CA5A: variants seen among roughly 807,000 people sequenced by gnomAD.
The protein encoded by CA5A is carbonic anhydrase 5A.
A neutral mutation model predicts 37.1 loss-of-function variants in CA5A; 28 were observed. The observed-to-expected ratio is 0.75, with a 90% CI of 0.56 to 1.03. CA5A has a LOEUF of 1.03. Ranked by LOEUF, CA5A falls within the 50% of genes least tolerant of loss-of-function variation. CA5A has a pLI of 0.00. For synonymous variants in CA5A, 171 were observed against 158.4 expected (o/e 1.08, Z -0.60); for missense variants, 444 against 399.9 (o/e 1.11, Z -0.94).
At chr16:87,935,209 A>C (rs1282764762) in intron 1 of CA5A, among the ~76,000 whole-genome samples, 1 of 152,238 alleles carries the variant, frequency 6.6e-6, no homozygotes, top group Non-Finnish European at 1.5e-5. Context: ...TTCAGTTAGA[A>C]GAGAACTTGG....
rs1463773320 is a variant in CA5A at position 87,914,988 on chromosome 16, A to T, written c.341-10084T>A. Among the ~76,000 whole-genome samples the T allele has an allele frequency of 3.3e-5, 5 of 152,218 alleles. No homozygotes were observed. The East Asian group carries it at 9.6e-4, about 29-fold the overall frequency. ...ACGCCGGGCACCGAGTTGACGGGTG[A>T]GGGGTGTGAGCGATGGGGCCAGCAT... On this transcript the variant is annotated intron_variant, in intron 2 of 6. Coordinates refer to ENST00000649794, the MANE Select transcript of CA5A (RefSeq NM_001739.2).
At chr16:87,892,011 A>G (rs1196595440) in intron 5 of CA5A, 57 bp from the exon 6 acceptor site, 17 of 1,448,020 alleles carry the variant, frequency 1.2e-5, no homozygotes, top group Non-Finnish European at 1.5e-5. Context: ...AGGAGCTTCC[A>G]TCTTGTCTCA....
downstream of CA5A, chr16:87,883,177 C>G (rs369466547): frequency 3.3e-4 from 50 of 152,308 alleles, no homozygotes; most frequent in African/African-American, 1.1e-3. Flanking sequence ...CGTGCCAACA[C>G]GCCCGGCTGA....
intron 5 of CA5A, chr16:87,893,146 C>CTT (rs1555519772): frequency 3.6e-5 from 14 of 387,006 alleles, no homozygotes; most frequent in South Asian, 1.4e-4. Context: ...TTCTTTCTTT[C>CTT]TTTTTTTTTT....
chr16:87,888,676 A>G (rs2055672254), intron 6 of CA5A, among the ~76,000 whole-genome samples: 1 of 152,182 alleles, frequency 6.6e-6, no homozygotes, highest in South Asian at 2.1e-4. Flanking sequence ...CTGGGCTACA[A>G]TTCATGAAAG....
In CA5A at chr16:87,902,817, C is replaced by A. The variant is rs538431959; in HGVS notation, c.460-297G>T. 4.6e-5 allele frequency among the ~76,000 whole-genome samples: 7 copies of A among 151,044 alleles called. No homozygotes were observed. In the South Asian group the frequency reaches 1.5e-3, roughly 32 times the overall value. ...GTCCCAGGTACTCAGGAGGCTGAGG[C>A]AGGAGAATGGTGTGAACCCAGGAGG... On this transcript the variant is annotated intron_variant, in intron 3 of 6. Transcript: ENST00000649794.
Position 87,898,724 on chromosome 16 carries a change from TG to T in CA5A, c.618+3187del, listed in dbSNP as rs528485064. 3.7e-4 allele frequency among the ~76,000 whole-genome samples: 55 copies of T among 148,344 alleles called. No individual in the cohort carries two copies. In the South Asian group the frequency reaches 4.9e-3, roughly 13 times the overall value. ...TTACATGGTGAGAATGCTGCTCTAG[TG>T]TGGATTTTTTTTTTTTTTTTTTTTT... On this transcript the variant is annotated intron_variant, in intron 5 of 6. Transcript: ENST00000649794.
At chr16:87,935,730 G>T (rs905256490) in intron 1 of CA5A, among the ~76,000 whole-genome samples, 4 of 152,054 alleles carry the variant, frequency 2.6e-5, no homozygotes, top group Non-Finnish European at 5.9e-5. Context: ...CAAAAAATTA[G>T]CTGGGTGCAG....
In CA5A at chr16:87,902,069, C is replaced by T; in HGVS notation, c.556-95G>A. 5 of 1,148,912 alleles carry T rather than the reference C, an allele frequency of 4.4e-6. No homozygotes were observed. The South Asian group carries it at 6.2e-5, about 14-fold the overall frequency. 71.2% of individuals were successfully genotyped at this position (1,148,912 alleles called of 1,614,324 possible). On this transcript the variant is annotated intron_variant, in intron 4 of 6. Transcript: ENST00000649794. Reference sequence around the variant, plus strand: ...AATACACCACGTTTTAAAAGCAATCCTAGGCCAGGTGCGGTGGCTCATGCC... The same window carrying T: ...AATACACCACGTTTTAAAAGCAATCTTAGGCCAGGTGCGGTGGCTCATGCC...
intron 2 of CA5A, among the ~76,000 whole-genome samples, chr16:87,917,121 AG>A (rs1379626958): frequency 9.1e-5 from 7 of 76,972 alleles, no homozygotes; most frequent in African/African-American, 6.8e-4. Context: ...AAAAAAAAAA[AG>A]AAAAGAAAAG....
chr16:87,897,481 G>C (rs1452339325), intron 5 of CA5A, among the ~76,000 whole-genome samples: 1 of 150,944 alleles, frequency 6.6e-6, no homozygotes, highest in Non-Finnish European at 1.5e-5. Flanking sequence ...TGACAGGTCG[G>C]CACTGGTAGG....
chr16:87,925,653 T>C (rs1258565282), intron 2 of CA5A: 1 of 152,002 alleles, frequency 6.6e-6, no homozygotes, highest in Non-Finnish European at 1.5e-5. Context: ...ATAATAGGCA[T>C]AGAGAGAACC....
At chr16:87,907,328 C>T (rs1322127197) in intron 2 of CA5A, among the ~76,000 whole-genome samples, 4 of 152,280 alleles carry the variant, frequency 2.6e-5, no homozygotes, top group East Asian at 3.9e-4. Flanking sequence ...GCTTCTGCCT[C>T]GGCCTGTGTC....
rs11862963 is a variant in CA5A at position 87,912,705 on chromosome 16, A to G, written c.341-7801T>C. On this transcript the variant is annotated intron_variant, in intron 2 of 6. Coordinates refer to ENST00000649794, the MANE Select transcript of CA5A (RefSeq NM_001739.2). ...GTGAGAGTGTGGGCTTTGGGGCCCT[A>G]AACTTGCTTGGGACGCCCAGGAGGG... Among the ~76,000 whole-genome samples the G allele has an allele frequency of 3.9e-3, 597 of 152,328 alleles. 3 individuals carry two copies. Among genetic ancestry groups the G allele is most frequent in the African/African-American group, 0.013 (561 of 41,572 alleles).
rs143098331 is a variant in CA5A, at chr16:87,904,826, C to A, written c.419G>T (p.Gly140Val). Residue 140 changes from glycine (G) to valine (V), a missense_variant, in exon 3 of 7, where the codon GGC becomes GTC. Physicochemically the swap from Gly to Val is moderately radical, Grantham distance 109. Coordinates refer to ENST00000649794, the MANE Select transcript of CA5A (RefSeq NM_001739.2). ...HFHWGAVNEGGSEHTVDGHAY... is the reference protein window; with the variant it reads ...HFHWGAVNEGVSEHTVDGHAY... ...GTGGCCGTCCACTGTGTGCTCTGAG[C>A]CCCCCTCGTTCACTGCTCCCCAGTG... 18 of 1,612,482 alleles carry A rather than the reference C, an allele frequency of 1.1e-5. No individual in the cohort carries two copies. Among genetic ancestry groups the A allele is most frequent in the Non-Finnish European group, 1.1e-5 (13 of 1,178,554 alleles).
intron 1 of CA5A, among the ~76,000 whole-genome samples, chr16:87,930,689 C>A (rs1381990001): frequency 6.6e-6 from 1 of 151,000 alleles, no homozygotes; most frequent in Non-Finnish European, 1.5e-5. Flanking sequence ...TGCTGCTACC[C>A]CACTGGGCAG....
intron 1 of CA5A, among the ~76,000 whole-genome samples, chr16:87,934,518 G>GCA (rs2056446057): frequency 2.6e-5 from 4 of 152,218 alleles, no homozygotes; most frequent in Admixed American, 6.5e-5. Flanking sequence ...CGGTGAGCTG[G>GCA]AGATCGCACC....
At chr16:87,926,719 A>G (rs2056316593) in intron 2 of CA5A, 29 bp downstream of exon 2, 2 of 1,578,538 alleles carry the variant, frequency 1.3e-6, no homozygotes, top group East Asian at 2.2e-5. Context: ...GGGAGAGGAC[A>G]AAGCCCTCGA....
At chr16:87,921,402 C>G (rs1279136506) in intron 2 of CA5A, among the ~76,000 whole-genome samples, 1 of 152,252 alleles carries the variant, frequency 6.6e-6, no homozygotes, top group Non-Finnish European at 1.5e-5. Context: ...TTTGCCCTCC[C>G]GTGTGGGCAC....
Sources: allele counts gnomAD v4.1 joint callset (sites outside exome capture counted in the v4.1 genomes callset), GRCh38; gene constraint gnomAD v4.1.1; transcripts MANE v1.5; gene names NCBI Gene and HGNC (gene_info 2026-07-23, HGNC 2026-07-21).